Variants in SYT7 observed in about 807,000 individuals in gnomAD.
SYT7 encodes synaptotagmin-7.
SYT7 carries 29 observed loss-of-function variants against 75.1 expected under a neutral mutation model. The ratio of observed to expected loss-of-function variants is 0.39; its 90% CI spans 0.29 to 0.53. SYT7 has a LOEUF of 0.53. Ranked by LOEUF, SYT7 falls within the 20% of genes least tolerant of loss-of-function variation. The probability of loss-of-function intolerance (pLI) is 0.77; values close to 1 mark genes in which losing one functional copy is unlikely to be tolerated. For missense variants in SYT7, 693 were observed against 953.2 expected (o/e 0.73, Z 3.59); for synonymous variants, 376 against 401.7 (o/e 0.94, Z 0.76).
chr11:61,558,392 G>A (rs766060225), intron 1 of SYT7, among the ~76,000 whole-genome samples: 1 of 151,942 alleles, frequency 6.6e-6, no homozygotes, highest in Non-Finnish European at 1.5e-5. Flanking sequence ...CATGGGGGTT[G>A]GAGGGGGGCG....
At chr11:61,570,777 G>C (rs2063900084) in intron 1 of SYT7, among the ~76,000 whole-genome samples, 1 of 152,208 alleles carries the variant, frequency 6.6e-6, no homozygotes, top group South Asian at 2.1e-4. Flanking sequence ...TATGGCGTTA[G>C]AGTCTGGTTT....
chr11:61,536,531 C>A (rs2062875111), intron 7 of SYT7, among the ~76,000 whole-genome samples: 1 of 152,216 alleles, frequency 6.6e-6, no homozygotes, highest in South Asian at 2.1e-4. Flanking sequence ...GCCTTGAGAT[C>A]CTGGCTCAGG....
rs530892011 is a variant in SYT7 at position 61,538,152 on chromosome 11, C to T, written c.1056G>A (p.Gly352=). ...CTCGCCTGTGCTCGTACCTCTTGTC[C>T]CCCTGAGCGTTCTGGTTCTGCTGGG... The part of the protein sequence containing the change: ...PGTQQNQNAQ[G]DKRLPAGGKA... Residue 352 remains glycine, a synonymous_variant, in exon 7 of 13, where the codon GGG becomes GGA. Coordinates refer to ENST00000539008, the MANE Select transcript of SYT7 (RefSeq NM_001365809.2). The T allele has an allele frequency of 4.9e-5, 76 of 1,536,024 alleles. No homozygotes were observed. In the African/African-American group the frequency reaches 5.9e-4, roughly 12 times the overall value.
Position 61,543,128 on chromosome 11 carries a change from T to C in SYT7, c.573-549A>G, listed in dbSNP as rs58729213. The stretch of plus-strand genomic sequence containing the variant: ...AGGCCGGGGAAGCCATCAGTTCTTA[T>C]ACTTTGTCCACAGAGGCAAGGAAGC... On this transcript the variant is annotated intron_variant, in intron 5 of 12. Transcript: ENST00000539008. 3.9e-5 allele frequency among the ~76,000 whole-genome samples: 6 copies of C among 152,340 alleles called. No homozygotes were observed. In the South Asian group the frequency reaches 8.3e-4, roughly 21 times the overall value.
chr11:61,556,733 C>T (rs889434148), intron 1 of SYT7, among the ~76,000 whole-genome samples: 1 of 152,230 alleles, frequency 6.6e-6, no homozygotes, highest in Non-Finnish European at 1.5e-5. Flanking sequence ...TGGCACTAGC[C>T]GGTCGTCTTG....
At chr11:61,545,906 A>C in intron 5 of SYT7, 125 bp downstream of exon 5, 2 of 807,562 alleles carry the variant, frequency 2.5e-6, no homozygotes, top group Non-Finnish European at 3.8e-6. Flanking sequence ...AAGGGATGGA[A>C]TGAGCCAGGG....
chr11:61,574,505 T>A (rs1422058988), intron 1 of SYT7, among the ~76,000 whole-genome samples: 2 of 152,126 alleles, frequency 1.3e-5, no homozygotes, highest in Non-Finnish European at 2.9e-5. Flanking sequence ...GGACACAGGA[T>A]GTGTTTGGTG....
intron 7 of SYT7, 74 bp downstream of exon 7, chr11:61,538,070 C>G (rs2062920969): frequency 6.6e-7 from 1 of 1,519,540 alleles, no homozygotes; most frequent in African/African-American, 1.4e-5. Context: ...GCAGCCGGGG[C>G]CGGTCGAGGC....
chr11:61,514,131 A>G lies in SYT7; in HGVS notation c.*4496T>C, dbSNP rs1388583414. Among the ~76,000 whole-genome samples, 2 of 152,156 alleles carry G rather than the reference A, an allele frequency of 1.3e-5. No individual in the cohort carries two copies. The highest frequency in any genetic ancestry group is 4.8e-5 in the African/African-American group (2 of 41,430). Reference sequence around the variant, plus strand: ...GAGAAGCAAAAATGGAGGAAGGCAAAAAGTCCAGGGAAGGGCCCGAGCCAG... The same window carrying G: ...GAGAAGCAAAAATGGAGGAAGGCAAGAAGTCCAGGGAAGGGCCCGAGCCAG... On this transcript the variant is annotated 3_prime_UTR_variant, in exon 13 of 13. Transcript: ENST00000539008.
chr11:61,576,654 G>A lies in SYT7; in HGVS notation c.31+4136C>T, dbSNP rs1034317556. Among the ~76,000 whole-genome samples, 15 of 131,666 alleles carry A rather than the reference G, an allele frequency of 1.1e-4. No homozygotes were observed. The highest frequency in any genetic ancestry group is 2.5e-4 in the African/African-American group (9 of 35,552). 86.4% of individuals were successfully genotyped at this position (131,666 alleles called of 152,430 possible). A position where few individuals can be genotyped will look rare whatever the true frequency, so the allele number is the denominator to read the frequency against. ...CCTGGGGGAACCAGTTATTGAAAACGAAAACGGTCCATCAGATTCAATAAG... is the reference window on the plus strand; with the variant it reads ...CCTGGGGGAACCAGTTATTGAAAACAAAAACGGTCCATCAGATTCAATAAG... On this transcript the variant is annotated intron_variant, in intron 1 of 12. Coordinates refer to ENST00000539008, the MANE Select transcript of SYT7 (RefSeq NM_001365809.2). This position sits in a 1 kb window ranked among gnomAD's most constrained non-coding sequence, Gnocchi z 4.1.
chr11:61,519,081 T>C (rs2062229243), intron 12 of SYT7, among the ~76,000 whole-genome samples: 1 of 152,228 alleles, frequency 6.6e-6, no homozygotes, highest in African/African-American at 2.4e-5. Flanking sequence ...CCCTGAATTA[T>C]AATCATTCCC....
At position 61,534,995 on chromosome 11, in the gene SYT7, G is replaced by A. The variant is rs545010541; in HGVS notation, c.1065-1871C>T. Among the ~76,000 whole-genome samples the A allele has an allele frequency of 5.9e-5, 9 of 152,338 alleles. No individual in the cohort carries two copies. The South Asian group carries it at 8.3e-4, about 14-fold the overall frequency. On this transcript the variant is annotated intron_variant, in intron 7 of 12. Coordinates refer to ENST00000539008, the MANE Select transcript of SYT7 (RefSeq NM_001365809.2). ...GATTGACTGCTGAAGATATGAGAAC[G>A]TTAGAGTTATTTGGCCACGCTGCAG...
intron 2 of SYT7, among the ~76,000 whole-genome samples, chr11:61,552,501 C>A (rs536865471): frequency 6.6e-6 from 1 of 152,116 alleles, no homozygotes; most frequent in Non-Finnish European, 1.5e-5. Context: ...CACACACGTG[C>A]GCGCACAAAT....
chr11:61,562,046 A>G (rs2063650902), intron 1 of SYT7, among the ~76,000 whole-genome samples: 1 of 148,866 alleles, frequency 6.7e-6, no homozygotes, highest in Non-Finnish European at 1.5e-5. Flanking sequence ...GCACACACAT[A>G]TGCACACACA....
At chr11:61,520,767 G>C (rs1293923497) in intron 12 of SYT7, among the ~76,000 whole-genome samples, 1 of 151,954 alleles carries the variant, frequency 6.6e-6, no homozygotes, top group Non-Finnish European at 1.5e-5. Context: ...AGGTTGCAGT[G>C]AGCCAAGATT....
Position 61,545,731 on chromosome 11 carries a change from G to C in SYT7, c.572+300C>G, listed in dbSNP as rs139894129. Among the ~76,000 whole-genome samples, 905 of 152,332 alleles carry C rather than the reference G, an allele frequency of 5.9e-3. 8 individuals are homozygous for C. Among genetic ancestry groups the C allele is most frequent in the African/African-American group, 0.021 (868 of 41,558 alleles). On this transcript the variant is annotated intron_variant, in intron 5 of 12. Coordinates refer to ENST00000539008, the MANE Select transcript of SYT7 (RefSeq NM_001365809.2). The stretch of plus-strand genomic sequence containing the variant: ...ATGGGGGGGCCAATCAAAGAGGATG[G>C]GATGACCCAGGGACTGAAATGAAGC...
chr11:61,569,686 T>A lies in SYT7; in HGVS notation c.31+11104A>T, dbSNP rs144274144. 3.4e-4 allele frequency among the ~76,000 whole-genome samples: 51 copies of A among 150,910 alleles called. No individual in the cohort carries two copies. In the East Asian group the frequency reaches 8.3e-3, roughly 24 times the overall value. ...GAAGGGGCAGAGGCAGAGAGACAGA[T>A]ACTGGAAGACTCCAGGAAAGGGAAG... is the stretch of plus-strand genomic sequence containing the variant. On this transcript the variant is annotated intron_variant, in intron 1 of 12. Transcript: ENST00000539008.
At position 61,542,242 on chromosome 11, in the gene SYT7, G is replaced by T. The variant is rs895687845; in HGVS notation, c.910C>A (p.Arg304=). Residue 304 remains arginine, a synonymous_variant, in exon 6 of 13, where the codon CGA becomes AGA. Coordinates refer to ENST00000539008, the MANE Select transcript of SYT7 (RefSeq NM_001365809.2). This position sits in a 1 kb window ranked among gnomAD's most constrained non-coding sequence, Gnocchi z 7.8. ...GATTTCATGTCCAAGCCTCGGTTTC[G>T]AATCTGCCCCACCACGTGGTCCCAG... The part of the protein sequence containing the change: ...GSWDHVVGQI[R]NRGLDMKSFL... The T allele has an allele frequency of 6.5e-7, 1 of 1,535,014 alleles. No homozygotes were observed. Among genetic ancestry groups the T allele is most frequent in the Non-Finnish European group, 8.7e-7 (1 of 1,146,390 alleles).
intron 12 of SYT7, among the ~76,000 whole-genome samples, chr11:61,520,750 G>A (rs960348400): frequency 6.6e-6 from 1 of 152,182 alleles, no homozygotes; most frequent in African/African-American, 2.4e-5. Context: ...TTGAACCCAG[G>A]AGGCAGAGGT....
Sources: allele counts gnomAD v4.1 joint callset (sites outside exome capture counted in the v4.1 genomes callset), GRCh38; gene constraint gnomAD v4.1.1; non-coding constraint Gnocchi (gnomAD v3.1); transcripts MANE v1.5; gene names NCBI Gene and HGNC (gene_info 2026-07-23, HGNC 2026-07-21).